The following HECW1 variants were observed in gnomAD, a reference collection of about 807,000 sequenced individuals.
HECW1 encodes HECT, C2 and WW domain containing E3 ubiquitin protein ligase 1, also known as E3 ubiquitin-protein ligase HECW1.
A neutral mutation model predicts 182.3 loss-of-function variants in HECW1; 61 were observed. The ratio of observed to expected loss-of-function variants is 0.33; its 90% CI spans 0.27 to 0.41. HECW1 has a LOEUF of 0.41. Ranked by LOEUF, HECW1 falls within the 10% of genes least tolerant of loss-of-function variation. The pLI is 1.00. For synonymous variants in HECW1, 859 were observed against 832.6 expected (o/e 1.03, Z -0.55); for missense variants, 1,739 against 2,108.9 (o/e 0.82, Z 3.44).
intron 3 of HECW1, among the ~76,000 whole-genome samples, chr7:43,286,748 C>A (rs1288478792): frequency 1.3e-5 from 2 of 152,152 alleles, no homozygotes. Flanking sequence ...CTTATAACTA[C>A]TAAAAAGTCA....
intron 4 of HECW1, among the ~76,000 whole-genome samples, chr7:43,313,043 G>A (rs889490821): frequency 1.3e-5 from 2 of 152,134 alleles, no homozygotes; most frequent in African/African-American, 4.8e-5. Flanking sequence ...TTTACAACCT[G>A]CACAGTTTTT....
chr7:43,493,867 G>A (rs2079023431), intron 19 of HECW1, among the ~76,000 whole-genome samples: 1 of 152,178 alleles, frequency 6.6e-6, no homozygotes, highest in African/African-American at 2.4e-5. Flanking sequence ...ATTGATGGAG[G>A]CGTGTTATTC....
chr7:43,557,182 C>T (rs1421271307), intron 29 of HECW1, among the ~76,000 whole-genome samples: 1 of 152,186 alleles, frequency 6.6e-6, no homozygotes, highest in Admixed American at 6.5e-5. Flanking sequence ...TGGCAGGTGA[C>T]AGGAAGCCCT....
At chr7:43,446,929 C>T (rs1006897717) in intron 11 of HECW1, among the ~76,000 whole-genome samples, 5 of 152,024 alleles carry the variant, frequency 3.3e-5, no homozygotes, top group African/African-American at 7.3e-5. Context: ...ATGCACTGGG[C>T]GCAGGAAGAT....
At chr7:43,114,505 T>C in intron 2 of HECW1, 114 bp downstream of exon 2, 3 of 903,472 alleles carry the variant, frequency 3.3e-6, no homozygotes, top group South Asian at 3.4e-5. Context: ...GGTAGAGAGA[T>C]AGATTGTGGT....
At chr7:43,271,680 C>T (rs79495743) in intron 3 of HECW1, among the ~76,000 whole-genome samples, 2 of 152,210 alleles carry the variant, frequency 1.3e-5, no homozygotes, top group East Asian at 3.9e-4. Context: ...CTACAAAACA[C>T]TGATAAAATA....
At chr7:43,281,437 C>A (rs188219650) in intron 3 of HECW1, among the ~76,000 whole-genome samples, 9 of 152,286 alleles carry the variant, frequency 5.9e-5, no homozygotes, top group Admixed American at 2.0e-4. Flanking sequence ...CGTGGAAATA[C>A]AATTATTCCT....
At chr7:43,330,520 A>G (rs1445684952) in intron 5 of HECW1, among the ~76,000 whole-genome samples, 1 of 152,234 alleles carries the variant, frequency 6.6e-6, no homozygotes, top group Non-Finnish European at 1.5e-5. Context: ...TTATACAGCC[A>G]TAGTAACCAG....
chr7:43,200,729 A>G (rs2152689390), intron 2 of HECW1, among the ~76,000 whole-genome samples: 1 of 152,338 alleles, frequency 6.6e-6, no homozygotes, highest in Middle Eastern at 3.4e-3. Flanking sequence ...TCAGCTGGGT[A>G]ATAGAAGAAA....
intron 6 of HECW1, among the ~76,000 whole-genome samples, chr7:43,368,285 C>G (rs903758298): frequency 1.3e-5 from 2 of 152,100 alleles, no homozygotes; most frequent in Non-Finnish European, 1.5e-5. Context: ...ATGGGCAGGC[C>G]CAGAACATGA....
At chr7:43,124,804 T>C (rs1786029578) in intron 2 of HECW1, among the ~76,000 whole-genome samples, 1 of 152,200 alleles carries the variant, frequency 6.6e-6, no homozygotes, top group Admixed American at 6.5e-5. Context: ...GATTGTGTTT[T>C]TAAGATAAAT....
chr7:43,519,578 G>C (rs112356805), intron 24 of HECW1, among the ~76,000 whole-genome samples: 1 of 152,068 alleles, frequency 6.6e-6, no homozygotes, highest in Non-Finnish European at 1.5e-5. Context: ...CTGGACTGCC[G>C]CACAAAACAC....
At chr7:43,423,024 G>A (rs2076245670) in intron 8 of HECW1, among the ~76,000 whole-genome samples, 1 of 152,212 alleles carries the variant, frequency 6.6e-6, no homozygotes, top group Non-Finnish European at 1.5e-5. Flanking sequence ...ATTGGTTTAA[G>A]ATAGATCATT....
At chr7:43,540,156 C>A (rs1330921053) in intron 24 of HECW1, among the ~76,000 whole-genome samples, 1 of 152,172 alleles carries the variant, frequency 6.6e-6, no homozygotes, top group Non-Finnish European at 1.5e-5. Context: ...ATTTTAACAT[C>A]TTTATAGCAG....
At chr7:43,336,146 C>CTCTCTT (rs1812220636) in intron 5 of HECW1, among the ~76,000 whole-genome samples, 8 of 40,914 alleles carry the variant, frequency 2.0e-4, no homozygotes, top group South Asian at 9.6e-4. Flanking sequence ...CTCTCTCTTT[C>CTCTCTT]TCTCTCTCTC....
At chr7:43,428,584 T>C (rs573453687) in intron 8 of HECW1, among the ~76,000 whole-genome samples, 15 of 152,148 alleles carry the variant, frequency 9.9e-5, no homozygotes, top group African/African-American at 3.6e-4. Flanking sequence ...AGGAAGAAAA[T>C]TTAGACTTAC....
intron 8 of HECW1, among the ~76,000 whole-genome samples, chr7:43,419,474 TAA>T (rs968871572): frequency 2.6e-5 from 4 of 152,250 alleles, no homozygotes; most frequent in Admixed American, 1.3e-4. Flanking sequence ...CTGTACTTTA[TAA>T]GTTATCCTAT....
At chr7:43,190,549 T>C (rs1793817945) in intron 2 of HECW1, among the ~76,000 whole-genome samples, 1 of 152,230 alleles carries the variant, frequency 6.6e-6, no homozygotes, top group Non-Finnish European at 1.5e-5. Flanking sequence ...GAGCCATGGA[T>C]TGAGAACTAT....
At chr7:43,421,957 C>A (rs1291361608) in intron 8 of HECW1, among the ~76,000 whole-genome samples, 1 of 152,130 alleles carries the variant, frequency 6.6e-6, no homozygotes, top group Non-Finnish European at 1.5e-5. Flanking sequence ...TAGCCATGAT[C>A]CCTTGCTTTT....
Sources: gnomAD v4.1 joint callset for allele counts (sites outside exome capture counted in the v4.1 genomes callset) on GRCh38, gnomAD v4.1.1 for gene constraint, MANE v1.5 for transcripts, NCBI Gene and HGNC (gene_info 2026-07-23, HGNC 2026-07-21) for gene names.